The following ROR1 variants were observed in gnomAD, a reference collection of about 807,000 sequenced individuals.
ROR1 encodes the protein ROR family WNT receptor 1.
Under a neutral mutation model 78.8 loss-of-function variants are expected in ROR1, and 19 were observed. The ratio of observed to expected loss-of-function variants is 0.24; its 90% CI spans 0.17 to 0.35. The LOEUF is 0.35. ROR1 is among the 10% of genes least tolerant of loss of function. The probability of loss-of-function intolerance (pLI) is 1.00; values close to 1 mark genes in which losing one functional copy is unlikely to be tolerated. For missense variants in ROR1, 917 were observed against 1,177.8 expected (o/e 0.78, Z 3.24); for synonymous variants, 386 against 433.6 (o/e 0.89, Z 1.36).
At chr1:63,896,049 A>C (rs1008169509) in intron 1 of ROR1, among the ~76,000 whole-genome samples, 1 of 152,086 alleles carries the variant, frequency 6.6e-6, no homozygotes, top group African/African-American at 2.4e-5. Flanking sequence ...TTCCACCTAC[A>C]GTGCCCTAGA....
At position 63,923,867 on chromosome 1, in the gene ROR1, C is replaced by T. The variant is rs138602287; in HGVS notation, c.92-85438C>T. ...CCTCGATACCCAGCTCACTGTGCCT[C>T]GGTCATGACGGCCTTCTTTTTCTTC... On this transcript the variant is annotated intron_variant, in intron 1 of 8. Transcript: ENST00000371079. Among the ~76,000 whole-genome samples, 559 of 151,918 alleles carry T rather than the reference C, an allele frequency of 3.7e-3. 4 individuals carry two copies. Among genetic ancestry groups the T allele is most frequent in the African/African-American group, 0.012 (502 of 41,466 alleles).
chr1:64,067,966 C>G (rs1254956106), intron 4 of ROR1, among the ~76,000 whole-genome samples: 3 of 152,082 alleles, frequency 2.0e-5, no homozygotes, highest in African/African-American at 7.2e-5. Flanking sequence ...CCCACCTTGG[C>G]CTCCCAAAGT....
At chr1:64,123,440 A>C (rs1330742770) in intron 4 of ROR1, among the ~76,000 whole-genome samples, 1 of 152,206 alleles carries the variant, frequency 6.6e-6, no homozygotes, top group East Asian at 1.9e-4. Context: ...CATGAAGCCA[A>C]CTTAGAAAAC....
At chr1:64,141,267 T>C (rs1261605693) in intron 6 of ROR1, among the ~76,000 whole-genome samples, 1 of 152,140 alleles carries the variant, frequency 6.6e-6, no homozygotes, top group African/African-American at 2.4e-5. Context: ...TTCAATTGGC[T>C]CACGTGTGGT....
At chr1:64,131,551 T>A (rs899600072) in intron 4 of ROR1, among the ~76,000 whole-genome samples, 5 of 151,766 alleles carry the variant, frequency 3.3e-5, no homozygotes, top group South Asian at 2.1e-4. Context: ...AAATGATATT[T>A]TTTTTTTAAT....
At chr1:64,139,606 T>G (rs528850852) in intron 5 of ROR1, among the ~76,000 whole-genome samples, 2 of 152,214 alleles carry the variant, frequency 1.3e-5, no homozygotes, top group Non-Finnish European at 2.9e-5. Flanking sequence ...TTTCAGAAGA[T>G]GGAGTAGAAA....
intron 1 of ROR1, among the ~76,000 whole-genome samples, chr1:63,898,877 C>A (rs1645463453): frequency 6.6e-6 from 1 of 152,082 alleles, no homozygotes; most frequent in Admixed American, 6.5e-5. Flanking sequence ...GGCCTAATTT[C>A]TGCAACTTTA....
At chr1:64,040,948 A>T (rs1490304439) in intron 2 of ROR1, among the ~76,000 whole-genome samples, 2 of 152,214 alleles carry the variant, frequency 1.3e-5, no homozygotes, top group Admixed American at 1.3e-4. Flanking sequence ...TGGGGTAAAA[A>T]TAAAGACTGG....
intron 1 of ROR1, among the ~76,000 whole-genome samples, chr1:63,958,688 T>G (rs1646003512): frequency 6.6e-6 from 1 of 152,178 alleles, no homozygotes; most frequent in African/African-American, 2.4e-5. Context: ...AAATCATATC[T>G]TTCTGCTACA....
intron 1 of ROR1, among the ~76,000 whole-genome samples, chr1:63,839,352 CTATCTATCTA>C (rs1645036077): frequency 3.7e-5 from 2 of 54,780 alleles, no homozygotes; most frequent in Non-Finnish European, 9.4e-5. Context: ...TATCATCTAT[CTATCTATCTA>C]TCTATCTATC....
chr1:64,014,997 G>T (rs916929202), intron 2 of ROR1, among the ~76,000 whole-genome samples: 5 of 151,476 alleles, frequency 3.3e-5, no homozygotes, highest in Non-Finnish European at 5.9e-5. Flanking sequence ...AGAAAAAGAG[G>T]TTTAATGGAC....
intron 1 of ROR1, among the ~76,000 whole-genome samples, chr1:63,875,549 C>G (rs1198450664): frequency 6.6e-6 from 1 of 152,050 alleles, no homozygotes; most frequent in Admixed American, 6.6e-5. Context: ...TTTCTTCTTT[C>G]TTAACTTTAC....
chr1:64,095,744 G>T (rs182358807), intron 4 of ROR1, among the ~76,000 whole-genome samples: 18 of 152,120 alleles, frequency 1.2e-4, no homozygotes, highest in Admixed American at 4.6e-4. Context: ...ACTTCCTCTA[G>T]GTCATGGTCT....
chr1:64,068,740 T>A (rs529804186), intron 4 of ROR1, among the ~76,000 whole-genome samples: 10 of 151,880 alleles, frequency 6.6e-5, no homozygotes, highest in African/African-American at 1.9e-4. Flanking sequence ...GTGATAGAAA[T>A]TTTTTTTTCA....
chr1:64,014,289 C>A (rs12061004), intron 2 of ROR1, among the ~76,000 whole-genome samples: 6,504 of 152,234 alleles, frequency 0.043, 488 homozygotes, highest in African/African-American at 0.15. Flanking sequence ...TGTTCTGTTA[C>A]ATGAGTCCAG....
At position 63,846,100 on chromosome 1, in the gene ROR1, TTGAC is replaced by T. The variant is rs1351054323; in HGVS notation, c.91+71593_91+71596del. 5.3e-5 allele frequency among the ~76,000 whole-genome samples: 8 copies of T among 150,620 alleles called. No individual in the cohort carries two copies. The East Asian group carries it at 1.2e-3, about 22-fold the overall frequency. The stretch of plus-strand genomic sequence containing the variant: ...GCATAGTGAATTTTATATTTTTTAT[TTGAC>T]AGAGAGAGAGAGAATGTGTGTGTGT... On this transcript the variant is annotated intron_variant, in intron 1 of 8. Coordinates refer to ENST00000371079, the MANE Select transcript of ROR1 (RefSeq NM_005012.4).
chr1:63,818,305 T>G (rs983505165), intron 1 of ROR1, among the ~76,000 whole-genome samples: 12 of 152,250 alleles, frequency 7.9e-5, no homozygotes, highest in African/African-American at 2.7e-4. Flanking sequence ...GCTCTGTTTT[T>G]CTTTCGCAGA....
At chr1:64,016,318 A>G (rs1646520508) in intron 2 of ROR1, among the ~76,000 whole-genome samples, 2 of 152,216 alleles carry the variant, frequency 1.3e-5, no homozygotes, top group South Asian at 2.1e-4. Context: ...AGTGTAAAAC[A>G]CACTGGATCT....
chr1:63,932,625 C>CCTTAT (rs1557569204), intron 1 of ROR1, among the ~76,000 whole-genome samples: 2 of 152,046 alleles, frequency 1.3e-5, no homozygotes, highest in Non-Finnish European at 2.9e-5. Context: ...CATTACCTTA[C>CCTTAT]CTGATTCTCA....
Sources: allele counts gnomAD v4.1 joint callset (sites outside exome capture counted in the v4.1 genomes callset), GRCh38; gene constraint gnomAD v4.1.1; transcripts MANE v1.5; gene names NCBI Gene and HGNC (gene_info 2026-07-23, HGNC 2026-07-21).